Variants in CCDC7 observed in about 807,000 individuals in gnomAD.
CCDC7 encodes the protein coiled-coil domain-containing protein 7.
In CCDC7, 183 loss-of-function variants were observed where a neutral mutation model predicts 196.9. The ratio of observed to expected loss-of-function variants is 0.93; its 90% CI spans 0.82 to 1.05. The LOEUF is 1.05. Among genes scored for constraint, CCDC7 ranks in the 50% least tolerant of loss-of-function variants. The pLI is 0.00. For missense variants in CCDC7, 1,540 were observed against 1,482.2 expected (o/e 1.04, Z -0.64); for synonymous variants, 525 against 484.6 (o/e 1.08, Z -1.10).
At chr10:32,464,331 G>GT (rs1309585254) in intron 5 of CCDC7, among the ~76,000 whole-genome samples, 1 of 152,160 alleles carries the variant, frequency 6.6e-6, no homozygotes, top group Admixed American at 6.6e-5. Flanking sequence ...CAAGCTGTTG[G>GT]TTGGAACTCC....
At chr10:32,809,985 C>T (rs370699001) in intron 30 of CCDC7, among the ~76,000 whole-genome samples, 39 of 152,146 alleles carry the variant, frequency 2.6e-4, no homozygotes, top group African/African-American at 9.2e-4. Context: ...ACTCAAATGT[C>T]TATCAGTGAT....
At chr10:32,718,652 G>A (rs1244629645) in intron 25 of CCDC7, among the ~76,000 whole-genome samples, 3 of 152,138 alleles carry the variant, frequency 2.0e-5, no homozygotes, top group Non-Finnish European at 4.4e-5. Context: ...ATCTCCTTAA[G>A]CTGATAAGCA....
intron 25 of CCDC7, among the ~76,000 whole-genome samples, chr10:32,714,515 A>C (rs908745979): frequency 6.6e-6 from 1 of 152,148 alleles, no homozygotes; most frequent in African/African-American, 2.4e-5. Flanking sequence ...AGTTTTTTTC[A>C]TAACCCAGTG....
intron 31 of CCDC7, among the ~76,000 whole-genome samples, chr10:32,822,650 T>C (rs1413089323): frequency 6.6e-6 from 1 of 152,106 alleles, no homozygotes; most frequent in African/African-American, 2.4e-5. Flanking sequence ...AAAGGAGTAA[T>C]GTTTCTGTAT....
rs567491091 is a variant in CCDC7 at position 32,811,399 on chromosome 10, G to A, written c.3098-2971G>A. Among the ~76,000 whole-genome samples the A allele has an allele frequency of 1.9e-4, 29 of 152,050 alleles. No individual in the cohort carries two copies. The South Asian group carries it at 5.8e-3, about 30-fold the overall frequency. On this transcript the variant is annotated intron_variant, in intron 30 of 41. Transcript: ENST00000639629. ...ACGCTGATAAACTGGAAAATCTAGA[G>A]GAAATTGATAGATTTCTGGACACAT...
intron 9 of CCDC7, among the ~76,000 whole-genome samples, chr10:32,508,820 A>G (rs1244487880): frequency 6.6e-6 from 1 of 151,564 alleles, no homozygotes; most frequent in African/African-American, 2.4e-5. Context: ...TTTAGTAGAG[A>G]CGGGGTTTTA....
intron 41 of CCDC7, among the ~76,000 whole-genome samples, chr10:32,865,027 A>G (rs1361929853): frequency 6.6e-6 from 1 of 151,920 alleles, no homozygotes; most frequent in African/African-American, 2.4e-5. Context: ...TAAAGCACAC[A>G]TAGGAGAATA....
chr10:32,569,176 T>C (rs943789112), intron 15 of CCDC7, among the ~76,000 whole-genome samples: 1 of 152,206 alleles, frequency 6.6e-6, no homozygotes, highest in Admixed American at 6.5e-5. Context: ...AAACATCTTA[T>C]ATGCTAGGTT....
chr10:32,506,274 C>T (rs557217665), intron 9 of CCDC7, among the ~76,000 whole-genome samples: 31 of 137,996 alleles, frequency 2.2e-4, no homozygotes, highest in South Asian at 1.7e-3. Context: ...CGGGCAGAGG[C>T]GCTCCTCACA....
rs1368827333 is a variant in CCDC7, at chr10:32,876,205, G to A, written c.4112-142G>A. 6.8e-6 allele frequency: 4 copies of A among 592,478 alleles called. No individual in the cohort carries two copies. The East Asian group carries it at 9.1e-5, about 13-fold the overall frequency. 36.7% of individuals were successfully genotyped at this position (592,478 alleles called of 1,614,324 possible). A position where few individuals can be genotyped will look rare whatever the true frequency, so the allele number is the denominator to read the frequency against. ...ATCATTCTATAAAAACAATAGGTAG[G>A]TAGATTTATATACTATTTTCCATTT... On this transcript the variant is annotated intron_variant, in intron 41 of 41. Coordinates refer to ENST00000639629, the Ensembl canonical transcript of CCDC7.
At chr10:32,594,649 C>T (rs1402116618) in intron 18 of CCDC7, among the ~76,000 whole-genome samples, 1 of 152,156 alleles carries the variant, frequency 6.6e-6, no homozygotes, top group East Asian at 1.9e-4. Flanking sequence ...GGAACACTTC[C>T]AGTTTTTGCC....
intron 16 of CCDC7, 96 bp downstream of exon 17, chr10:32,571,989 C>T: frequency 1.7e-6 from 2 of 1,185,130 alleles, no homozygotes; most frequent in African/African-American, 3.2e-5. Context: ...TTTAATGTCA[C>T]AAAACTCTTT....
At chr10:32,631,465 G>A (rs1395413499) in intron 18 of CCDC7, among the ~76,000 whole-genome samples, 2 of 152,096 alleles carry the variant, frequency 1.3e-5, no homozygotes, top group African/African-American at 4.8e-5. Flanking sequence ...GGCCATAAAT[G>A]TAAGGGTTTG....
chr10:32,680,403 C>T (rs2075688862), intron 21 of CCDC7, among the ~76,000 whole-genome samples: 1 of 151,504 alleles, frequency 6.6e-6, no homozygotes, highest in African/African-American at 2.4e-5. Context: ...TATGTTGGCC[C>T]ATAGGGACAC....
In CCDC7 at chr10:32,471,127, A is replaced by G. The variant is rs759995165; in HGVS notation, c.574A>G (p.Asn192Asp). Reference sequence around the variant, plus strand: ...AAAACCTGACAAAACAGTCATTTTAAATATTGCAGAAATAGTAAGGCTTGT... The same window carrying G: ...AAAACCTGACAAAACAGTCATTTTAGATATTGCAGAAATAGTAAGGCTTGT... The change falls in exon 6 of 42, where the codon AAT becomes GAT. Residue 192 changes from asparagine (N) to aspartate (D), a missense_variant. By Grantham distance (23) the Asn-to-Asp change is conservative (BLOSUM62 1). Coordinates refer to ENST00000639629, the Ensembl canonical transcript of CCDC7. 11 of 1,612,580 alleles carry G rather than the reference A, an allele frequency of 6.8e-6. No individual in the cohort carries two copies. In the Admixed American group the frequency reaches 1.8e-4, roughly 27 times the overall value.
intron 21 of CCDC7, among the ~76,000 whole-genome samples, chr10:32,670,395 TTTA>T (rs1008760143): frequency 1.1e-4 from 17 of 151,968 alleles, no homozygotes; most frequent in African/African-American, 3.9e-4. Context: ...TTTTTTTAAA[TTTA>T]TTATTATTAT....
At chr10:32,813,693 A>C (rs1392216950) in intron 30 of CCDC7, among the ~76,000 whole-genome samples, 6 of 152,206 alleles carry the variant, frequency 3.9e-5, no homozygotes. Flanking sequence ...ATACATTATC[A>C]TCATAATGTC....
chr10:32,566,135 A>G (rs1417178994), intron 14 of CCDC7, among the ~76,000 whole-genome samples: 1 of 152,194 alleles, frequency 6.6e-6, no homozygotes, highest in Non-Finnish European at 1.5e-5. Context: ...ATCTTGGTAA[A>G]AATGTAAAGG....
intron 22 of CCDC7, among the ~76,000 whole-genome samples, chr10:32,687,091 C>G (rs996627431): frequency 2.6e-5 from 4 of 152,178 alleles, no homozygotes; most frequent in South Asian, 4.1e-4. Context: ...TATGGACAGT[C>G]ACAATGTCAG....
Sources: allele counts gnomAD v4.1 joint callset (sites outside exome capture counted in the v4.1 genomes callset), GRCh38; gene constraint gnomAD v4.1.1; transcripts MANE v1.5; gene names NCBI Gene and HGNC (gene_info 2026-07-23, HGNC 2026-07-21).